The following ZC3H7A variants were observed in gnomAD, a reference collection of about 807,000 sequenced individuals.
ZC3H7A encodes zinc finger CCCH domain-containing protein 7A.
A neutral mutation model predicts 125.5 loss-of-function variants in ZC3H7A; 44 were observed. The ratio of observed to expected loss-of-function variants is 0.35; its 90% CI spans 0.28 to 0.45. The LOEUF is 0.45. Ranked by LOEUF, ZC3H7A falls within the 20% of genes least tolerant of loss-of-function variation. The pLI, the probability that ZC3H7A is intolerant of heterozygous loss-of-function variation, is 1.00. For missense variants in ZC3H7A, 977 were observed against 1,170.7 expected (o/e 0.83, Z 2.41); for synonymous variants, 399 against 391.2 (o/e 1.02, Z -0.23).
chr16:11,781,101 G>GA lies in ZC3H7A; in HGVS notation c.108+323dup, dbSNP rs1189581317. On this transcript the variant is annotated intron_variant, in intron 3 of 22. Coordinates refer to ENST00000355758, the MANE Select transcript of ZC3H7A (RefSeq NM_014153.4). Reference sequence around the variant, plus strand: ...GTATGCAAAAAAAGAAAAAGAAAAAGAAAAAAAAAGTCCTATATAGAAGGG... The same window carrying GA: ...GTATGCAAAAAAAGAAAAAGAAAAAGAAAAAAAAAAGTCCTATATAGAAGGG... Among the ~76,000 whole-genome samples, 15 of 150,844 alleles carry GA rather than the reference G, an allele frequency of 9.9e-5. No individual in the cohort carries two copies. In the South Asian group the frequency reaches 1.5e-3, roughly 15 times the overall value.
chr16:11,756,638 G>T (rs1034486636), intron 20 of ZC3H7A, among the ~76,000 whole-genome samples: 6 of 152,144 alleles, frequency 3.9e-5, no homozygotes, highest in Non-Finnish European at 7.3e-5. Flanking sequence ...ACACTTTGGG[G>T]ATGTTTAAAA....
rs2053133840 is a variant in ZC3H7A at position 11,779,213 on chromosome 16, T to C, written c.259A>G (p.Ile87Val). The C allele has an allele frequency of 6.2e-7, 1 of 1,610,470 alleles. No individual in the cohort carries two copies. Among genetic ancestry groups the C allele is most frequent in the East Asian group, 2.2e-5 (1 of 44,842 alleles). The change falls in exon 4 of 23, where the codon ATA (isoleucine) becomes GTA (valine). Residue 87 changes from isoleucine to valine, a missense_variant. By Grantham distance (29) the Ile-to-Val change is conservative (BLOSUM62 3). Around this residue, in one of 3 missense-constraint regions of ZC3H7A, gnomAD observed 199 missense variants for 256.1 expected, o/e 0.78. Coordinates refer to ENST00000355758, the MANE Select transcript of ZC3H7A (RefSeq NM_014153.4). ...KSEEILIPKE[I>V]IEKLYINRIA... Reference sequence around the variant, plus strand: ...CGATTTATATATAGTTTTTCAATTATTTCTTTGGGGATTAAAATTTCTTCA... The same window carrying C: ...CGATTTATATATAGTTTTTCAATTACTTCTTTGGGGATTAAAATTTCTTCA...
At position 11,781,464 on chromosome 16, in the gene ZC3H7A, C is replaced by T; in HGVS notation, c.69G>A (p.Gln23=). Residue 23 remains glutamine, a splice_region_variant and synonymous_variant, in exon 3 of 23, where the codon CAG becomes CAA. Transcript: ENST00000355758. Reference sequence around the variant, plus strand: ...GTGTTCCTGGATATGACAGCGGTGACCTAAGAAGAAGAAACAAATTAACTG... The same window carrying T: ...GTGTTCCTGGATATGACAGCGGTGATCTAAGAAGAAGAAACAAATTAACTG... ...QNIKEGLQFI[Q]SPLSYPGTQE... 6.2e-7 allele frequency: 1 copy of T among 1,603,254 alleles called. No homozygotes were observed. Among genetic ancestry groups the T allele is most frequent in the Non-Finnish European group, 8.5e-7 (1 of 1,172,604 alleles).
intron 3 of ZC3H7A, among the ~76,000 whole-genome samples, chr16:11,780,220 A>T (rs1405731646): frequency 6.6e-6 from 1 of 151,010 alleles, no homozygotes; most frequent in Middle Eastern, 3.2e-3. Context: ...TCCTGAGTTC[A>T]AGTGATTCTC....
chr16:11,766,991 G>A (rs2052870894), intron 13 of ZC3H7A, among the ~76,000 whole-genome samples: 1 of 151,598 alleles, frequency 6.6e-6, no homozygotes, highest in African/African-American at 2.4e-5. Context: ...AGTCAATACT[G>A]TTATAATAAC....
At chr16:11,780,567 T>A (rs2053159193) in intron 3 of ZC3H7A, among the ~76,000 whole-genome samples, 1 of 152,228 alleles carries the variant, frequency 6.6e-6, no homozygotes, top group Non-Finnish European at 1.5e-5. Flanking sequence ...GATCAACTAT[T>A]AACAAAACTC....
chr16:11,779,186 T>C lies in ZC3H7A; in HGVS notation c.286A>G (p.Ile96Val), dbSNP rs2053133496. 1.2e-6 allele frequency: 2 copies of C among 1,601,622 alleles called. No individual in the cohort carries two copies. Among genetic ancestry groups the C allele is most frequent in the Non-Finnish European group, 8.5e-7 (1 of 1,170,994 alleles). The change falls in exon 4 of 23, where the codon ATT becomes GTT. Residue 96 changes from isoleucine to valine, a missense_variant. Coordinates refer to ENST00000355758, the MANE Select transcript of ZC3H7A (RefSeq NM_014153.4). ...EIIEKLYINRIACYSNMGFHD... is the reference protein window; with the variant it reads ...EIIEKLYINRVACYSNMGFHD... ...CTCACCATATTAGAATAGCAGGCAATACGATTTATATATAGTTTTTCAATT... is the reference window on the plus strand; with the variant it reads ...CTCACCATATTAGAATAGCAGGCAACACGATTTATATATAGTTTTTCAATT...
At chr16:11,792,802 G>A (rs763018693) in intron 1 of ZC3H7A, among the ~76,000 whole-genome samples, 8 of 152,198 alleles carry the variant, frequency 5.3e-5, no homozygotes, top group Non-Finnish European at 1.2e-4. Flanking sequence ...TGCACATTAC[G>A]TGCCAAAGAC....
intron 1 of ZC3H7A, among the ~76,000 whole-genome samples, chr16:11,784,234 G>C (rs2141212655): frequency 1.3e-5 from 2 of 152,200 alleles, no homozygotes; most frequent in East Asian, 3.9e-4. Flanking sequence ...TATGGATAAT[G>C]GTTCCAGCTG....
At chr16:11,762,353 G>T (rs1219606753) in intron 17 of ZC3H7A, among the ~76,000 whole-genome samples, 1 of 152,046 alleles carries the variant, frequency 6.6e-6, no homozygotes, top group Non-Finnish European at 1.5e-5. Context: ...AGACATGCCA[G>T]GTGGAAAGCT....
At chr16:11,794,732 T>C (rs548241892) in intron 1 of ZC3H7A, among the ~76,000 whole-genome samples, 1 of 152,272 alleles carries the variant, frequency 6.6e-6, no homozygotes, top group African/African-American at 2.4e-5. Context: ...ATCCCTGGAG[T>C]TGAGAGTTTC....
intron 15 of ZC3H7A, among the ~76,000 whole-genome samples, chr16:11,764,095 T>C (rs1189430025): frequency 2.0e-5 from 3 of 151,664 alleles, no homozygotes; most frequent in African/African-American, 7.3e-5. Flanking sequence ...AGCCCAGCCC[T>C]ACATTTTAAA....
intron 9 of ZC3H7A, among the ~76,000 whole-genome samples, chr16:11,772,728 G>C (rs912266022): frequency 4.1e-5 from 6 of 146,110 alleles, no homozygotes; most frequent in Non-Finnish European, 7.5e-5. Context: ...ACAGAGTATT[G>C]ATCTGTCACC....
chr16:11,775,726 G>C (rs1257118009), intron 7 of ZC3H7A: 3 of 152,038 alleles, frequency 2.0e-5, no homozygotes, highest in Admixed American at 6.5e-5. Context: ...CCCAAAACTA[G>C]TATTTGGCCC....
In ZC3H7A at chr16:11,776,344, T is replaced by G; in HGVS notation, c.561A>C (p.Ser187=). The stretch of plus-strand genomic sequence containing the variant: ...CCTTGGTAGCCCCATCCCCAGGAAC[T>G]GATTTTAATGAGAGCTGAAATAAAA... The part of the protein sequence containing the change: ...AYVRAELSLK[S]VPGDGATKAL... The change falls in exon 7 of 23, where the codon TCA becomes TCC. Residue 187 remains serine, a synonymous_variant. Transcript: ENST00000355758. The G allele has an allele frequency of 1.2e-6, 2 of 1,608,972 alleles. No homozygotes were observed. Among genetic ancestry groups the G allele is most frequent in the Non-Finnish European group, 1.7e-6 (2 of 1,178,888 alleles).
chr16:11,776,438 G>A lies in ZC3H7A; in HGVS notation c.546+14C>T, dbSNP rs1357796189. On this transcript the variant is annotated intron_variant, in intron 6 of 22. Coordinates refer to ENST00000355758, the MANE Select transcript of ZC3H7A (RefSeq NM_014153.4). ...ACAAAATGAAAACACCTTATGCAGAGAACTCCAGCTTACCTCAGCTCTGAC... is the reference window on the plus strand; with the variant it reads ...ACAAAATGAAAACACCTTATGCAGAAAACTCCAGCTTACCTCAGCTCTGAC... The A allele has an allele frequency of 3.1e-6, 5 of 1,606,290 alleles. No individual in the cohort carries two copies. Among genetic ancestry groups the A allele is most frequent in the Non-Finnish European group, 4.2e-6 (5 of 1,177,854 alleles).
At chr16:11,780,190 C>A (rs537797600) in intron 3 of ZC3H7A, among the ~76,000 whole-genome samples, 1 of 150,424 alleles carries the variant, frequency 6.6e-6, no homozygotes, top group African/African-American at 2.5e-5. Flanking sequence ...GGCACGATCT[C>A]GGCTCTCTGC....
At chr16:11,756,023 C>T (rs541958859) in intron 21 of ZC3H7A, among the ~76,000 whole-genome samples, 2 of 152,160 alleles carry the variant, frequency 1.3e-5, no homozygotes, top group East Asian at 3.9e-4. Flanking sequence ...ATTAGCTGGG[C>T]GTGGTGGCGC....
intron 1 of ZC3H7A, among the ~76,000 whole-genome samples, chr16:11,789,417 G>A (rs553218880): frequency 6.6e-6 from 1 of 152,098 alleles, no homozygotes; most frequent in Admixed American, 6.5e-5. Context: ...ACCAGGCCTG[G>A]CTAATTTTTG....
Sources: allele counts gnomAD v4.1 joint callset (sites outside exome capture counted in the v4.1 genomes callset), GRCh38; gene constraint gnomAD v4.1.1; regional missense constraint gnomAD v4.1.1; transcripts MANE v1.5; gene names NCBI Gene and HGNC (gene_info 2026-07-23, HGNC 2026-07-21).